SLC26A7: variants seen among roughly 807,000 people sequenced by gnomAD.
The protein encoded by SLC26A7 is solute carrier family 26 member 7, also known as anion exchange transporter.
SLC26A7 carries 59 observed loss-of-function variants against 82.5 expected under a neutral mutation model. The ratio of observed to expected loss-of-function variants is 0.72; its 90% CI spans 0.58 to 0.89. The LOEUF (loss-of-function observed/expected upper bound fraction) is 0.89, where lower values mean the gene tolerates loss of function less well. SLC26A7 is among the 40% of genes least tolerant of loss of function. The pLI is 0.00. For synonymous variants in SLC26A7, 271 were observed against 274.3 expected, an observed-to-expected ratio of 0.99 and a Z score of 0.12; for missense variants, 820 against 793.0, an observed-to-expected ratio of 1.03 and a Z score of -0.41.
At chr8:91,295,062 A>G (rs961333140) in intron 3 of SLC26A7, among the ~76,000 whole-genome samples, 1 of 152,188 alleles carries the variant, frequency 6.6e-6, no homozygotes, top group Non-Finnish European at 1.5e-5. Context: ...AGCTGAATTT[A>G]CTGAGGTCTT....
chr8:91,391,815 T>A (rs991647203), intron 16 of SLC26A7, among the ~76,000 whole-genome samples: 2 of 151,812 alleles, frequency 1.3e-5, no homozygotes, highest in African/African-American at 4.8e-5. Context: ...TTTTTTTTTT[T>A]AAACTGGGAA....
At chr8:91,296,788 A>G (rs1812029283) in intron 4 of SLC26A7, among the ~76,000 whole-genome samples, 1 of 152,150 alleles carries the variant, frequency 6.6e-6, no homozygotes. Context: ...AGCTATCATA[A>G]AATAAAAATT....
Position 91,338,085 on chromosome 8 carries a change from G to T in SLC26A7, c.796-65G>T. ...AGAACAATGTTTACTTTTAAAAATT[G>T]TTTTAAGGTGTTTGAGAGGTCAGTA... On this transcript the variant is annotated intron_variant, in intron 6 of 18. Coordinates refer to ENST00000276609, the MANE Select transcript of SLC26A7 (RefSeq NM_052832.4). The T allele has an allele frequency of 3.7e-6, 4 of 1,086,214 alleles. No homozygotes were observed. The South Asian group carries it at 7.2e-5, about 20-fold the overall frequency. 67.3% of individuals were successfully genotyped at this position (1,086,214 alleles called of 1,614,324 possible).
intron 7 of SLC26A7, among the ~76,000 whole-genome samples, chr8:91,339,257 T>C (rs1249035270): frequency 3.3e-5 from 5 of 152,086 alleles, no homozygotes; most frequent in African/African-American, 1.2e-4. Flanking sequence ...TTTGTCTTAA[T>C]GGTAAACTTA....
Position 91,351,944 on chromosome 8 carries a change from T to G in SLC26A7, c.1218+57T>G, listed in dbSNP as rs1431447419. 21 of 1,279,416 alleles carry G rather than the reference T, an allele frequency of 1.6e-5. No homozygotes were observed. In the East Asian group the frequency reaches 3.0e-4, roughly 18 times the overall value. The allele number at this position is 1,279,416 out of a possible 1,614,324, so 79.3% of individuals were successfully genotyped here. A position where few individuals can be genotyped will look rare whatever the true frequency, so the allele number is the denominator to read the frequency against. ...TAATTTAACTTTTCATGAGAATCAT[T>G]GCATATAAAATTTCTTGGAAGTATA... is the stretch of plus-strand genomic sequence containing the variant. On this transcript the variant is annotated intron_variant, in intron 10 of 18. Coordinates refer to ENST00000276609, the MANE Select transcript of SLC26A7 (RefSeq NM_052832.4).
At position 91,343,325 on chromosome 8, in the gene SLC26A7, A is replaced by G. The variant is rs1168256509; in HGVS notation, c.1027-28A>G. ...TCTAAAAGTCTATTGTGATTAAGATATTATATATTCTCTCATGAATCTTGC... is the reference window on the plus strand; with the variant it reads ...TCTAAAAGTCTATTGTGATTAAGATGTTATATATTCTCTCATGAATCTTGC... On this transcript the variant is annotated intron_variant, in intron 8 of 18. Coordinates refer to ENST00000276609, the MANE Select transcript of SLC26A7 (RefSeq NM_052832.4). The G allele has an allele frequency of 5.3e-6, 7 of 1,328,256 alleles. No homozygotes were observed. The Admixed American group carries it at 9.4e-5, about 18-fold the overall frequency. The allele number at this position is 1,328,256 out of a possible 1,614,324, so 82.3% of individuals were successfully genotyped here.
upstream of SLC26A7, among the ~76,000 whole-genome samples, chr8:91,246,700 T>TAAA (rs1206713399): frequency 7.7e-6 from 1 of 129,038 alleles, no homozygotes; most frequent in African/African-American, 2.8e-5. Context: ...GACTCTGTCT[T>TAAA]AAAAAAAAAA....
chr8:91,299,486 T>C (rs1812104678), intron 4 of SLC26A7, among the ~76,000 whole-genome samples: 2 of 152,172 alleles, frequency 1.3e-5, no homozygotes, highest in Admixed American at 6.5e-5. Context: ...TGGTGTGTGA[T>C]ATGGATGTAA....
At chr8:91,334,509 C>G in intron 6 of SLC26A7, 62 bp downstream of exon 6, 1 of 1,450,042 alleles carries the variant, frequency 6.9e-7, no homozygotes, top group Non-Finnish European at 9.3e-7. Flanking sequence ...TTGGGGAGAT[C>G]TGCAGATGCT....
intron 4 of SLC26A7, among the ~76,000 whole-genome samples, chr8:91,308,618 G>T (rs1178147403): frequency 2.0e-5 from 3 of 152,138 alleles, no homozygotes; most frequent in African/African-American, 7.2e-5. Flanking sequence ...AGGAGTGGAG[G>T]TTATGTCAAG....
chr8:91,234,132 C>T (rs1810352816), intron 2 of SLC26A7, among the ~76,000 whole-genome samples: 1 of 152,164 alleles, frequency 6.6e-6, no homozygotes, highest in African/African-American at 2.4e-5. Flanking sequence ...ATCCTCAATT[C>T]TCTGAAAGTT....
intron 13 of SLC26A7, 89 bp downstream of exon 13, chr8:91,363,627 A>T: frequency 1.4e-6 from 1 of 711,470 alleles, no homozygotes; most frequent in Non-Finnish European, 2.2e-6. Context: ...TAGATAAATT[A>T]TGATAGTTAA....
intron 5 of SLC26A7, among the ~76,000 whole-genome samples, chr8:91,326,072 A>G (rs1812923858): frequency 6.6e-6 from 1 of 152,218 alleles, no homozygotes; most frequent in South Asian, 2.1e-4. Flanking sequence ...GTAGATGGTC[A>G]TTCAGTTGGC....
intron 2 of SLC26A7, among the ~76,000 whole-genome samples, chr8:91,226,153 C>T (rs1445589239): frequency 6.6e-6 from 1 of 152,206 alleles, no homozygotes; most frequent in Admixed American, 6.5e-5. Context: ...TCATTTACCA[C>T]ACCTCGGTGG....
intron 2 of SLC26A7, among the ~76,000 whole-genome samples, chr8:91,221,512 C>T (rs529904938): frequency 1.3e-5 from 2 of 152,208 alleles, no homozygotes; most frequent in Non-Finnish European, 2.9e-5. Flanking sequence ...TTAAGTCTTA[C>T]ATTAAGTCTT....
At chr8:91,258,138 T>A (rs958122329) in intron 2 of SLC26A7, among the ~76,000 whole-genome samples, 2 of 151,990 alleles carry the variant, frequency 1.3e-5, no homozygotes, top group Non-Finnish European at 2.9e-5. Context: ...AAGGTGAGAT[T>A]TTGGGGGGTC....
chr8:91,298,226 C>A (rs906836506), intron 4 of SLC26A7, among the ~76,000 whole-genome samples: 1 of 151,918 alleles, frequency 6.6e-6, no homozygotes, highest in African/African-American at 2.4e-5. Context: ...AAGTAAGTTT[C>A]CCCCACTAAA....
At chr8:91,311,756 G>T (rs1322067796) in intron 4 of SLC26A7, among the ~76,000 whole-genome samples, 1 of 152,192 alleles carries the variant, frequency 6.6e-6, no homozygotes, top group African/African-American at 2.4e-5. Context: ...AAGGGGAAAA[G>T]CAGGCTAGGG....
chr8:91,306,944 A>AT (rs1237648666), intron 4 of SLC26A7, among the ~76,000 whole-genome samples: 1 of 150,234 alleles, frequency 6.7e-6, no homozygotes, highest in Non-Finnish European at 1.5e-5. Context: ...ACTCAAACAA[A>AT]TTTACAAGAA....
Sources: allele counts gnomAD v4.1 joint callset (sites outside exome capture counted in the v4.1 genomes callset), GRCh38; gene constraint gnomAD v4.1.1; transcripts MANE v1.5; gene names NCBI Gene and HGNC (gene_info 2026-07-23, HGNC 2026-07-21).